COL25A1: variants seen among roughly 807,000 people sequenced by gnomAD.
COL25A1 encodes collagen type XXV alpha 1 chain.
A neutral mutation model predicts 128.4 loss-of-function variants in COL25A1; 103 were observed. That is an observed-to-expected ratio of 0.80 (90% CI 0.68 to 0.94). COL25A1 has a LOEUF of 0.94. Ranked by LOEUF, COL25A1 falls within the 40% of genes least tolerant of loss-of-function variation. The pLI is 0.00. For synonymous variants in COL25A1, 279 were observed against 277.2 expected (o/e 1.01, Z -0.06); for missense variants, 745 against 840.0 (o/e 0.89, Z 1.40).
intron 3 of COL25A1, among the ~76,000 whole-genome samples, chr4:109,237,846 G>A (rs1288134234): frequency 6.6e-6 from 1 of 151,868 alleles, no homozygotes; most frequent in Non-Finnish European, 1.5e-5. Context: ...CCCATTCCCA[G>A]CCCTTGGCAA....
intron 8 of COL25A1, among the ~76,000 whole-genome samples, chr4:108,973,192 A>C (rs115623667): frequency 6.6e-6 from 1 of 152,308 alleles, no homozygotes; most frequent in African/African-American, 2.4e-5. Flanking sequence ...CTAATCACTT[A>C]AGGTTATGAG....
At chr4:108,918,260 A>G (rs1305352245) in intron 12 of COL25A1, 44 bp from the exon 13 acceptor site, 2 of 1,352,544 alleles carry the variant, frequency 1.5e-6, no homozygotes, top group South Asian at 1.4e-5. Flanking sequence ...CATACACAAA[A>G]TATTTCAATT....
chr4:109,019,375 C>CACATATATATATATATATATATATATAT (rs1338511772), intron 5 of COL25A1, among the ~76,000 whole-genome samples: 10 of 48,862 alleles, frequency 2.0e-4, no homozygotes, highest in Non-Finnish European at 3.0e-4. Context: ...CACACACACA[C>CACATATATATATATATATATATATATAT]ATATATATAT....
At chr4:109,039,939 G>A (rs571720530) in intron 5 of COL25A1, among the ~76,000 whole-genome samples, 1 of 152,200 alleles carries the variant, frequency 6.6e-6, no homozygotes, top group South Asian at 2.1e-4. Flanking sequence ...AGATATGTGT[G>A]CGTATTTGCT....
At chr4:108,900,850 A>G (rs1184685548) in intron 14 of COL25A1, among the ~76,000 whole-genome samples, 1 of 152,160 alleles carries the variant, frequency 6.6e-6, no homozygotes, top group Non-Finnish European at 1.5e-5. Flanking sequence ...TATTGGAAAC[A>G]TAGGCCTATT....
At chr4:109,264,438 G>A (rs1781659490) in intron 3 of COL25A1, among the ~76,000 whole-genome samples, 1 of 152,198 alleles carries the variant, frequency 6.6e-6, no homozygotes, top group South Asian at 2.1e-4. Context: ...TTACCATCAG[G>A]CAAGGAACAA....
At chr4:108,827,271 C>G (rs1732510359) in intron 32 of COL25A1, 83 bp from the exon 33 acceptor site, 4 of 1,167,112 alleles carry the variant, frequency 3.4e-6, no homozygotes, top group Non-Finnish European at 5.1e-6. Context: ...TCTAAAGCCT[C>G]TATTTCAAGG....
chr4:109,082,213 G>A (rs1249935579), intron 3 of COL25A1, among the ~76,000 whole-genome samples: 1 of 152,138 alleles, frequency 6.6e-6, no homozygotes, highest in Non-Finnish European at 1.5e-5. Context: ...ATCAGCTGAT[G>A]GACATCTGAG....
chr4:109,024,397 A>C (rs903220182), intron 5 of COL25A1, among the ~76,000 whole-genome samples: 2 of 152,030 alleles, frequency 1.3e-5, no homozygotes, highest in Non-Finnish European at 2.9e-5. Flanking sequence ...TGTAGTATAC[A>C]AAATACAGAT....
At chr4:109,207,041 A>C (rs192379086) in intron 3 of COL25A1, among the ~76,000 whole-genome samples, 3 of 152,316 alleles carry the variant, frequency 2.0e-5, no homozygotes, top group Admixed American at 6.5e-5. Flanking sequence ...TAAAAAGCCA[A>C]AATTGTATGA....
chr4:108,910,977 G>A (rs1220168501), intron 13 of COL25A1, among the ~76,000 whole-genome samples: 1 of 152,046 alleles, frequency 6.6e-6, no homozygotes, highest in African/African-American at 2.4e-5. Context: ...GCTACCCCTT[G>A]GCAATGTGGC....
intron 28 of COL25A1, 123 bp from the exon 29 acceptor site, chr4:108,845,374 A>G (rs965258662): frequency 5.4e-6 from 4 of 740,000 alleles, no homozygotes; most frequent in Non-Finnish European, 9.5e-6. Flanking sequence ...CTTGCTACAT[A>G]AAAGAAGGAT....
At chr4:109,155,239 C>G (rs182202850) in intron 3 of COL25A1, among the ~76,000 whole-genome samples, 3 of 152,276 alleles carry the variant, frequency 2.0e-5, no homozygotes, top group Admixed American at 1.3e-4. Flanking sequence ...TCTACAAGAA[C>G]GCTACAGACC....
intron 3 of COL25A1, among the ~76,000 whole-genome samples, chr4:109,267,514 C>CA (rs1447358986): frequency 6.6e-6 from 1 of 152,166 alleles, no homozygotes; most frequent in African/African-American, 2.4e-5. Flanking sequence ...AAACTAAATG[C>CA]ATTTCCATTG....
intron 3 of COL25A1, among the ~76,000 whole-genome samples, chr4:109,087,833 G>A (rs1024531504): frequency 5.3e-5 from 8 of 151,536 alleles, no homozygotes; most frequent in African/African-American, 1.9e-4. Context: ...TTAGAAATTG[G>A]GTCAAATAGC....
At chr4:108,873,460 T>G (rs1174463271) in intron 19 of COL25A1, among the ~76,000 whole-genome samples, 1 of 152,094 alleles carries the variant, frequency 6.6e-6, no homozygotes, top group Non-Finnish European at 1.5e-5. Flanking sequence ...ACTAAGTCAG[T>G]GTGCAATAAA....
chr4:108,996,289 G>A (rs201938236), intron 6 of COL25A1, among the ~76,000 whole-genome samples: 891 of 13,624 alleles, frequency 0.065, 218 homozygotes, highest in East Asian at 0.46. Context: ...AAGCAAATGG[G>A]AAAAAAAAAA....
intron 5 of COL25A1, among the ~76,000 whole-genome samples, chr4:109,033,544 A>C (rs1025821434): frequency 2.6e-5 from 4 of 152,230 alleles, no homozygotes; most frequent in African/African-American, 9.6e-5. Flanking sequence ...TTTGAAAGGA[A>C]ACAAAACATT....
At position 108,941,415 on chromosome 4, in the gene COL25A1, T is replaced by C; in HGVS notation, c.515A>G (p.His172Arg). Reference sequence around the variant, plus strand: ...CTGCTGATCAGCAGAGAGAAACCCATGATTGATTTTAGGAAACACCATCTG... The same window carrying C: ...CTGCTGATCAGCAGAGAGAAACCCACGATTGATTTTAGGAAACACCATCTG... ...GPRMVFPKIN[H>R]GFLSADQQLI... is the part of the protein sequence containing the mutation. Residue 172 changes from histidine (H) to arginine (R), a missense_variant, in exon 9 of 38, where the codon CAT (histidine) becomes CGT (arginine). Physicochemically the swap from His to Arg is conservative, Grantham distance 29 (BLOSUM62 0). Coordinates refer to ENST00000399132, the MANE Select transcript of COL25A1 (RefSeq NM_198721.4). 1 of 1,614,002 alleles carries C rather than the reference T, an allele frequency of 6.2e-7. No individual in the cohort carries two copies. The highest frequency in any genetic ancestry group is 8.5e-7 in the Non-Finnish European group (1 of 1,179,920).
Sources: gnomAD v4.1 joint callset for allele counts (sites outside exome capture counted in the v4.1 genomes callset) on GRCh38, gnomAD v4.1.1 for gene constraint, MANE v1.5 for transcripts, NCBI Gene and HGNC (gene_info 2026-07-23, HGNC 2026-07-21) for gene names.